SYTL5: variants seen among roughly 807,000 people sequenced by gnomAD.
SYTL5 encodes the protein synaptotagmin like 5.
A neutral mutation model predicts 55.9 loss-of-function variants in SYTL5; 34 were observed. That is an observed-to-expected ratio of 0.61 (90% confidence interval 0.46 to 0.81). The LOEUF is 0.81. Among genes scored for constraint, SYTL5 ranks in the 30% least tolerant of loss-of-function variants. The probability of loss-of-function intolerance (pLI) is 0.00; values close to 1 mark genes in which losing one functional copy is unlikely to be tolerated. For missense variants in SYTL5, 637 were observed against 546.7 expected, an observed-to-expected ratio of 1.17 and a Z score of -1.65; for synonymous variants, 221 against 188.7, an observed-to-expected ratio of 1.17 and a Z score of -1.40.
chrX:37,964,263 C>G, the SYTL5 span, among the ~76,000 whole-genome samples: 1 of 111,678 alleles, frequency 9.0e-6, no homozygotes, highest in Non-Finnish European at 1.9e-5. Flanking sequence ...AAAAATCTGC[C>G]TGGGCCTTGA....
chrX:38,002,468 A>T (rs1338613939), upstream of SYTL5, among the ~76,000 whole-genome samples: 37 of 111,823 alleles, frequency 3.3e-4, no homozygotes, highest in Admixed American at 3.0e-3. Flanking sequence ...TGAACTAGTT[A>T]ACAGTCCCAC....
At chrX:37,914,857 A>G in the SYTL5 span, among the ~76,000 whole-genome samples, 1 of 111,859 alleles carries the variant, frequency 8.9e-6, no homozygotes. Flanking sequence ...CTCAGAGTCA[A>G]TGTTTCTCAT....
At chrX:37,968,255 A>G in the SYTL5 span, among the ~76,000 whole-genome samples, 1 of 111,443 alleles carries the variant, frequency 9.0e-6, no homozygotes, top group Non-Finnish European at 1.9e-5. Context: ...AGTTAGATAC[A>G]GTACCCATTT....
chrX:37,931,569 A>AT, the SYTL5 span, among the ~76,000 whole-genome samples: 12 of 111,070 alleles, frequency 1.1e-4, no homozygotes, highest in Non-Finnish European at 2.3e-4. Context: ...ATACTTGTTT[A>AT]TTACCTACTT....
At chrX:37,901,621 G>A in the SYTL5 span, among the ~76,000 whole-genome samples, 1 of 112,387 alleles carries the variant, frequency 8.9e-6, no homozygotes, top group African/African-American at 3.2e-5. Flanking sequence ...TCTGATGCAT[G>A]CTACAACATG....
chrX:37,937,252 G>C, the SYTL5 span, among the ~76,000 whole-genome samples: 15 of 110,520 alleles, frequency 1.4e-4, no homozygotes, highest in East Asian at 4.3e-3. Context: ...AGGGTATCGA[G>C]TAGCCTAATC....
intron 3 of SYTL5, among the ~76,000 whole-genome samples, chrX:38,069,349 A>G (rs1271692710): frequency 3.6e-4 from 40 of 112,279 alleles, no homozygotes; most frequent in Non-Finnish European, 1.9e-4. Flanking sequence ...TAAGGCTGAA[A>G]TCAAGGTGTT....
chrX:37,895,441 C>T, the SYTL5 span, among the ~76,000 whole-genome samples: 25 of 91,475 alleles, frequency 2.7e-4, no homozygotes, highest in African/African-American at 9.7e-4. Context: ...TCCTTCCTTC[C>T]TTCCTTCCTT....
the SYTL5 span, among the ~76,000 whole-genome samples, chrX:37,945,699 G>A: frequency 1.8e-5 from 2 of 111,868 alleles, no homozygotes; most frequent in East Asian, 2.8e-4. Context: ...TCCTGAGTTC[G>A]CATCAGCAAG....
intron 15 of SYTL5, among the ~76,000 whole-genome samples, chrX:38,123,417 C>T (rs1238923926): frequency 1.8e-5 from 2 of 112,139 alleles, no homozygotes; most frequent in Non-Finnish European, 3.8e-5. Context: ...GCATGAGCCA[C>T]CGTGCCTGGC....
At chrX:38,121,196 G>A (rs767411155) in intron 14 of SYTL5, among the ~76,000 whole-genome samples, 2 of 111,399 alleles carry the variant, frequency 1.8e-5, no homozygotes. Context: ...CCAAGGGGAC[G>A]GTGCAAAACC....
intron 6 of SYTL5, among the ~76,000 whole-genome samples, chrX:38,084,790 A>G (rs1482360363): frequency 1.8e-5 from 2 of 111,517 alleles, no homozygotes; most frequent in Non-Finnish European, 3.8e-5. Context: ...CAACTACTCA[A>G]CTTTGCTCTC....
At chrX:38,058,711 G>T (rs758625481) in intron 3 of SYTL5, among the ~76,000 whole-genome samples, 5 of 110,803 alleles carry the variant, frequency 4.5e-5, no homozygotes. Context: ...TTTTTAAAAC[G>T]TTTTTAATAT....
the SYTL5 span, chrX:37,991,317 A>G: frequency 1.4e-5 from 15 of 1,055,070 alleles, no homozygotes; most frequent in Non-Finnish European, 1.6e-5. Context: ...ATCCATGAGT[A>G]TGTTTCTGAC....
rs1937230124 is a variant in SYTL5 at position 38,106,824 on chromosome X, G to A, written c.1334+53G>A. 1.1e-5 allele frequency: 11 copies of A among 1,010,814 alleles called. No homozygotes were observed. In the South Asian group the frequency reaches 3.0e-4, roughly 28 times the overall value. The allele number at this position is 1,010,814 out of a possible 1,213,427, so 83.3% of individuals were successfully genotyped here. A position where few individuals can be genotyped will look rare whatever the true frequency, so the allele number is the denominator to read the frequency against. On this transcript the variant is annotated intron_variant, in intron 11 of 16. Coordinates refer to ENST00000297875, the MANE Select transcript of SYTL5 (RefSeq NM_138780.3). ...ATTTCAGTCACTGCCTTTTTTGTCTGTATGTGTGTTTCCTTTTCAAAAGAG... is the reference window on the plus strand; with the variant it reads ...ATTTCAGTCACTGCCTTTTTTGTCTATATGTGTGTTTCCTTTTCAAAAGAG...
intron 9 of SYTL5, among the ~76,000 whole-genome samples, chrX:38,097,506 A>T (rs746521372): frequency 9.0e-6 from 1 of 111,127 alleles, no homozygotes; most frequent in Admixed American, 9.6e-5. Context: ...TTCATTTTTA[A>T]AAGTGTAATA....
chrX:38,125,268 T>C (rs1436604213), intron 15 of SYTL5, 30 bp from the exon 16 acceptor site: 3 of 1,163,283 alleles, frequency 2.6e-6, no homozygotes, highest in Non-Finnish European at 3.5e-6. Flanking sequence ...TGCTGTCTTA[T>C]TGATGATTTG....
chrX:38,096,417 G>A (rs1466895356), intron 9 of SYTL5, among the ~76,000 whole-genome samples, 183 bp downstream of exon 9: 4 of 111,208 alleles, frequency 3.6e-5, no homozygotes, highest in African/African-American at 9.8e-5. Context: ...AAAATATAAT[G>A]GGTAATCATG....
the SYTL5 span, among the ~76,000 whole-genome samples, chrX:37,890,660 C>T: frequency 8.9e-6 from 1 of 112,018 alleles, no homozygotes; most frequent in African/African-American, 3.2e-5. Flanking sequence ...AGTCACATGT[C>T]CTCTTATGTT....
Sources: gnomAD v4.1 joint callset for allele counts (sites outside exome capture counted in the v4.1 genomes callset) on GRCh38, gnomAD v4.1.1 for gene constraint, MANE v1.5 for transcripts, NCBI Gene and HGNC (gene_info 2026-07-23, HGNC 2026-07-21) for gene names.